The following CNTN6 variants were observed in gnomAD, a reference collection of about 807,000 sequenced individuals.
The protein encoded by CNTN6 is contactin 6.
A neutral mutation model predicts 122.8 loss-of-function variants in CNTN6; 137 were observed. The observed-to-expected ratio is 1.12, with a 90% CI of 0.97 to 1.29. The LOEUF (loss-of-function observed/expected upper bound fraction) is 1.29. CNTN6 is among the 50% of genes most tolerant of loss of function. CNTN6 has a pLI of 0.00. For synonymous variants in CNTN6, 570 were observed against 426.0 expected, an observed-to-expected ratio of 1.34 and a Z score of -4.16; for missense variants, 1,634 against 1,223.4, an observed-to-expected ratio of 1.34 and a Z score of -5.01.
chr3:1,251,548 A>C (rs2094669722), intron 4 of CNTN6, among the ~76,000 whole-genome samples: 1 of 152,178 alleles, frequency 6.6e-6, no homozygotes, highest in Non-Finnish European at 1.5e-5. Flanking sequence ...GGTGAAATCT[A>C]AGCCATGATG....
chr3:1,386,684 C>CTT lies in CNTN6; in HGVS notation c.2704+891_2704+892dup, dbSNP rs1443759065. Among the ~76,000 whole-genome samples the CTT allele has an allele frequency of 2.0e-5, 3 of 152,112 alleles. No homozygotes were observed. The South Asian group carries it at 6.2e-4, about 32-fold the overall frequency. On this transcript the variant is annotated intron_variant, in intron 20 of 22. Coordinates refer to ENST00000446702, the MANE Select transcript of CNTN6 (RefSeq NM_001289080.2). Reference sequence around the variant, plus strand: ...AACACAAATTATTCATAAAATCAGACTTTTTAAAACACATTTTTTTGCTCT... The same window carrying CTT: ...AACACAAATTATTCATAAAATCAGACTTTTTTTAAAACACATTTTTTTGCTCT...
chr3:1,367,203 G>A (rs1708352021), intron 12 of CNTN6, among the ~76,000 whole-genome samples: 1 of 152,016 alleles, frequency 6.6e-6, no homozygotes, highest in Non-Finnish European at 1.5e-5. Context: ...TTTGAAATAT[G>A]TATTACATTA....
intron 9 of CNTN6, among the ~76,000 whole-genome samples, chr3:1,326,954 G>T (rs971809686): frequency 3.3e-5 from 5 of 151,848 alleles, no homozygotes; most frequent in African/African-American, 1.2e-4. Context: ...AACAGATTTT[G>T]GCTGTTTAGG....
rs369348583 is a variant in CNTN6 at position 1,378,126 on chromosome 3, G to A, written c.2166+1051G>A. 5.3e-4 allele frequency among the ~76,000 whole-genome samples: 80 copies of A among 152,080 alleles called. 1 individual carries two copies. In the South Asian group the frequency reaches 0.016, roughly 31 times the overall value. On this transcript the variant is annotated intron_variant, in intron 17 of 22. Transcript: ENST00000446702. ...CTTTGTGGATAGAGTCCCCTTGAAG[G>A]CTGTCCATGGATGACCCACTTGCAT...
chr3:1,184,796 C>T (rs1316767542), intron 2 of CNTN6, among the ~76,000 whole-genome samples: 2 of 152,078 alleles, frequency 1.3e-5, no homozygotes, highest in Admixed American at 6.6e-5. Flanking sequence ...GCATTAAGTA[C>T]ATATTTGAAT....
chr3:1,274,938 C>G (rs1172630946), intron 4 of CNTN6, among the ~76,000 whole-genome samples: 1 of 152,052 alleles, frequency 6.6e-6, no homozygotes, highest in South Asian at 2.1e-4. Context: ...GATCTTTTAT[C>G]TTCCCAAATG....
In CNTN6 at chr3:1,383,156, T is replaced by TTGTC; in HGVS notation, c.2383_2386dup (p.Tyr796CysfsTer7). The TTGTC allele has an allele frequency of 6.2e-7, 1 of 1,613,472 alleles. No individual in the cohort carries two copies. Among genetic ancestry groups the TTGTC allele is most frequent in the African/African-American group, 1.3e-5 (1 of 75,030 alleles). On this transcript the variant is annotated frameshift_variant, in exon 18 of 23. Transcript: ENST00000446702. LOFTEE classifies it high-confidence loss of function. ...GAAGGATCCCTGAGTACTGTGACCA[T>TTGTC]TGTCTACTCTGGGGAAGATGGTAAG...
intron 10 of CNTN6, among the ~76,000 whole-genome samples, chr3:1,328,521 A>T (rs1446180459): frequency 6.6e-6 from 1 of 151,784 alleles, no homozygotes; most frequent in Non-Finnish European, 1.5e-5. Context: ...CTGTATCAAG[A>T]TGAAGTGATC....
intron 12 of CNTN6, among the ~76,000 whole-genome samples, chr3:1,367,295 C>T (rs530396716): frequency 6.6e-6 from 1 of 152,130 alleles, no homozygotes; most frequent in Admixed American, 6.5e-5. Flanking sequence ...ACAACATCTC[C>T]TCATTCCCCA....
intron 1 of CNTN6, among the ~76,000 whole-genome samples, chr3:1,129,930 A>G (rs2092291700): frequency 6.6e-6 from 1 of 152,102 alleles, no homozygotes; most frequent in Non-Finnish European, 1.5e-5. Flanking sequence ...TTTATAAAAT[A>G]ATATCCTTTT....
chr3:1,103,163 TTC>T (rs564722145), intron 1 of CNTN6, among the ~76,000 whole-genome samples: 1 of 152,136 alleles, frequency 6.6e-6, no homozygotes, highest in Admixed American at 6.5e-5. Flanking sequence ...ATGAAAAAGT[TTC>T]TGTTATTCTA....
intron 2 of CNTN6, among the ~76,000 whole-genome samples, chr3:1,206,903 T>C (rs978667690): frequency 1.3e-5 from 2 of 152,182 alleles, no homozygotes; most frequent in African/African-American, 4.8e-5. Flanking sequence ...CAACATTGGC[T>C]ATTGTTCCTC....
chr3:1,250,122 A>C (rs1242388376), intron 4 of CNTN6, among the ~76,000 whole-genome samples: 2 of 152,330 alleles, frequency 1.3e-5, no homozygotes, highest in East Asian at 3.9e-4. Context: ...TATAAATATT[A>C]AAATTAATAA....
chr3:1,102,564 A>G lies in CNTN6; in HGVS notation c.-83+9444A>G, dbSNP rs1478166502. ...GCTAACACGGTGAAACCCCGTCTCT[A>G]CTAAAAATACAAAAATGAGCCGGGC... On this transcript the variant is annotated intron_variant, in intron 1 of 22. Coordinates refer to ENST00000446702, the MANE Select transcript of CNTN6 (RefSeq NM_001289080.2). Among the ~76,000 whole-genome samples, 13 of 148,686 alleles carry G rather than the reference A, an allele frequency of 8.7e-5. No homozygotes were observed. The South Asian group carries it at 2.3e-3, about 27-fold the overall frequency.
rs755504002 is a variant in CNTN6 at position 1,372,507 on chromosome 3, A to G, written c.1668+33A>G. The G allele has an allele frequency of 3.7e-5, 57 of 1,533,306 alleles. No homozygotes were observed. The Admixed American group carries it at 1.1e-3, about 31-fold the overall frequency. The allele number at this position is 1,533,306 out of a possible 1,614,324, so 95.0% of individuals were successfully genotyped here. On this transcript the variant is annotated intron_variant, in intron 13 of 22. Transcript: ENST00000446702. The stretch of plus-strand genomic sequence containing the variant: ...ACTGAAATTGTTAAGTGCTTAATAA[A>G]ATGAATCAAGTCTTTTACATGAATC...
At chr3:1,390,580 T>TA (rs1328483084) in intron 20 of CNTN6, among the ~76,000 whole-genome samples, 3 of 151,652 alleles carry the variant, frequency 2.0e-5, no homozygotes, top group Non-Finnish European at 4.4e-5. Context: ...CTGAAGGAAA[T>TA]AGAGACACAA....
At chr3:1,202,132 T>C (rs892143320) in intron 2 of CNTN6, among the ~76,000 whole-genome samples, 4 of 152,244 alleles carry the variant, frequency 2.6e-5, no homozygotes, top group African/African-American at 9.6e-5. Context: ...GTGTCACTTA[T>C]TTCTCTTGTC....
At chr3:1,126,226 T>C (rs1241120774) in intron 1 of CNTN6, among the ~76,000 whole-genome samples, 2 of 151,924 alleles carry the variant, frequency 1.3e-5, no homozygotes, top group African/African-American at 4.8e-5. Context: ...TGGAAAGGTA[T>C]ACCGAAAGTT....
intron 5 of CNTN6, among the ~76,000 whole-genome samples, chr3:1,281,393 A>G (rs1033261808): frequency 9.2e-5 from 14 of 152,054 alleles, no homozygotes; most frequent in African/African-American, 3.1e-4. Context: ...CTCGTGTGTA[A>G]GTATTAAACA....
Sources: gnomAD v4.1 joint callset for allele counts (sites outside exome capture counted in the v4.1 genomes callset) on GRCh38, gnomAD v4.1.1 for gene constraint, MANE v1.5 for transcripts, NCBI Gene and HGNC (gene_info 2026-07-23, HGNC 2026-07-21) for gene names.